Variants in EXT2 observed in about 807,000 individuals in gnomAD.
EXT2 encodes the protein exostosin glycosyltransferase 2.
In EXT2, 53 loss-of-function variants were observed where a neutral mutation model predicts 81.6. That is an observed-to-expected ratio of 0.65 (90% CI 0.52 to 0.82). The LOEUF (loss-of-function observed/expected upper bound fraction) is 0.82. Among genes scored for constraint, EXT2 ranks in the 40% least tolerant of loss-of-function variants. The probability of loss-of-function intolerance (pLI) is 0.00; values close to 1 mark genes in which losing one functional copy is unlikely to be tolerated. For missense variants in EXT2, 774 were observed against 910.2 expected (o/e 0.85, Z 1.93); for synonymous variants, 320 against 340.0 (o/e 0.94, Z 0.65).
chr11:44,169,245 A>G (rs571204390), intron 7 of EXT2, among the ~76,000 whole-genome samples: 1 of 151,850 alleles, frequency 6.6e-6, no homozygotes, highest in South Asian at 2.1e-4. Flanking sequence ...AATAAATAAT[A>G]AAAATAAATA....
Position 44,245,944 on chromosome 11 carries a change from GAAACTGAAGTGATTTTTTTC to G in EXT2, c.*1659_*1678del, listed in dbSNP as rs1956089943. On this transcript the variant is annotated 3_prime_UTR_variant, in exon 14 of 14. Transcript: ENST00000533608. ...TGCAGATGTTCATTTTGCAAATGCA[GAAACTGAAGTGATTTTTTTC>G]AGTTTCTGACAGCAGCAAACACAGG... 6.6e-6 allele frequency among the ~76,000 whole-genome samples: 1 copy of G among 152,236 alleles called. No individual in the cohort carries two copies. Among genetic ancestry groups the G allele is most frequent in the Non-Finnish European group, 1.5e-5 (1 of 68,032 alleles).
chr11:44,175,052 G>A (rs1027687966), intron 8 of EXT2, among the ~76,000 whole-genome samples: 19 of 152,214 alleles, frequency 1.2e-4, no homozygotes, highest in Admixed American at 6.5e-4. Context: ...TTTAAACAAG[G>A]GAGTAATGTG....
At chr11:44,099,872 T>C (rs561614129) in intron 1 of EXT2, among the ~76,000 whole-genome samples, 109 of 152,290 alleles carry the variant, frequency 7.2e-4, no homozygotes, top group Non-Finnish European at 1.2e-3. Flanking sequence ...TTCCCTCTCA[T>C]TTCTTCTATT....
chr11:44,156,591 A>C (rs1590603400), intron 7 of EXT2, among the ~76,000 whole-genome samples: 1 of 152,156 alleles, frequency 6.6e-6, no homozygotes, highest in Middle Eastern at 3.4e-3. Context: ...TCCTTTGTTA[A>C]ATTTATCTGT....
rs1294967203 is a variant in EXT2 at position 44,197,865 on chromosome 11, C to T, written c.1342C>T (p.Leu448=). The change falls in exon 9 of 14, where the codon CTG becomes TTG. Residue 448 remains leucine (L), a synonymous_variant. Coordinates refer to ENST00000533608, the MANE Select transcript of EXT2 (RefSeq NM_207122.2). The part of the protein sequence containing the change: ...GSVSNPLFLP[L]IPPQSQGFTA... ...CGTGAGCAATCCACTCTTCCTCCCG[C>T]TGATCCCACCACAGTCTCAAGGGTT... The T allele has an allele frequency of 2.5e-6, 4 of 1,614,082 alleles. No homozygotes were observed. In the South Asian group the frequency reaches 4.4e-5, roughly 18 times the overall value.
intron 8 of EXT2, among the ~76,000 whole-genome samples, chr11:44,186,747 G>T (rs1297268087): frequency 6.6e-6 from 1 of 152,162 alleles, no homozygotes; most frequent in African/African-American, 2.4e-5. Flanking sequence ...TCTTGAGGAT[G>T]ATCTGAGTGA....
Position 44,180,439 on chromosome 11 carries a change from A to C in EXT2, c.1305+8697A>C, listed in dbSNP as rs118136884. On this transcript the variant is annotated intron_variant, in intron 8 of 13. Transcript: ENST00000533608. ...ACAGCTTTCTATTTTCCAGAGAGCT[A>C]ATAAATGCCTGTTGTTTTTTCCCGC... Among the ~76,000 whole-genome samples the C allele has an allele frequency of 4.8e-3, 728 of 152,346 alleles. 5 individuals carry two copies. The highest frequency in any genetic ancestry group is 0.031 in the East Asian group (159 of 5,186).
chr11:44,095,915 G>A, intron 1 of EXT2, 63 bp downstream of exon 1: 2 of 278,798 alleles, frequency 7.2e-6, no homozygotes, highest in South Asian at 8.1e-5. Context: ...GGGCCTCCGG[G>A]GGCCGCTGCT....
chr11:44,191,595 C>A (rs1461221778), intron 8 of EXT2, among the ~76,000 whole-genome samples: 1 of 152,214 alleles, frequency 6.6e-6, no homozygotes, highest in Admixed American at 6.5e-5. Flanking sequence ...TTTAAATTTG[C>A]TTGATTTCAT....
At chr11:44,171,492 C>T in intron 7 of EXT2, 119 bp from the exon 8 acceptor site, 8 of 1,475,636 alleles carry the variant, frequency 5.4e-6, no homozygotes, top group Non-Finnish European at 6.6e-6. Context: ...TAGGCACCCC[C>T]ATCCCTACAA....
chr11:44,168,133 A>G (rs976228141), intron 7 of EXT2, among the ~76,000 whole-genome samples: 42 of 152,100 alleles, frequency 2.8e-4, no homozygotes, highest in African/African-American at 1.0e-3. Context: ...CAACAAAGAT[A>G]TGAAATCTAC....
intron 10 of EXT2, among the ~76,000 whole-genome samples, chr11:44,213,621 A>C (rs983897185): frequency 6.6e-6 from 1 of 152,198 alleles, no homozygotes; most frequent in African/African-American, 2.4e-5. Context: ...AGGAGAATGG[A>C]GATAACAAGA....
intron 4 of EXT2, among the ~76,000 whole-genome samples, chr11:44,117,410 C>A (rs1393616158): frequency 6.6e-6 from 1 of 152,062 alleles, no homozygotes; most frequent in Non-Finnish European, 1.5e-5. Flanking sequence ...GAAGATTTAC[C>A]CTTACGTTTT....
At chr11:44,133,288 A>C (rs1315935968) in intron 7 of EXT2, among the ~76,000 whole-genome samples, 1 of 152,248 alleles carries the variant, frequency 6.6e-6, no homozygotes, top group East Asian at 1.9e-4. Flanking sequence ...TAATTAAAAA[A>C]ATGGTAAAAC....
chr11:44,157,953 C>T (rs561884195), intron 7 of EXT2, among the ~76,000 whole-genome samples: 10 of 152,332 alleles, frequency 6.6e-5, no homozygotes, highest in Admixed American at 3.3e-4. Context: ...CCTACCAGCA[C>T]TGGGCCCTTC....
At position 44,095,719 on chromosome 11, in the gene EXT2, C is replaced by G. The variant is rs1239532575; in HGVS notation, c.-164C>G. 6.5e-6 allele frequency: 1 copy of G among 153,322 alleles called. No individual in the cohort carries two copies. Among genetic ancestry groups the G allele is most frequent in the Admixed American group, 6.5e-5 (1 of 15,304 alleles). The allele number at this position is 153,322 out of a possible 1,614,324, so 9.5% of individuals were successfully genotyped here. ...GGTTACCGGCCCCTCGCTCGCTGCT[C>G]GCCAGCCCAGACTCGGCCCTGGCAG... On this transcript the variant is annotated 5_prime_UTR_variant, in exon 1 of 14. Coordinates refer to ENST00000533608, the MANE Select transcript of EXT2 (RefSeq NM_207122.2).
intron 1 of EXT2, among the ~76,000 whole-genome samples, chr11:44,104,088 G>C (rs1954021865): frequency 6.6e-6 from 1 of 152,062 alleles, no homozygotes; most frequent in Admixed American, 6.6e-5. Flanking sequence ...AAAGATTTGT[G>C]AAGCTCATGT....
At chr11:44,216,828 G>T (rs1403794360) in intron 10 of EXT2, among the ~76,000 whole-genome samples, 1 of 151,036 alleles carries the variant, frequency 6.6e-6, no homozygotes, top group Non-Finnish European at 1.5e-5. Flanking sequence ...TAAATGATGA[G>T]GGAGATCTAC....
chr11:44,170,368 TAAAG>T (rs1179470867), intron 7 of EXT2, among the ~76,000 whole-genome samples: 2 of 151,920 alleles, frequency 1.3e-5, no homozygotes, highest in South Asian at 2.1e-4. Flanking sequence ...ATATTAAAAA[TAAAG>T]AAAGGTTGAA....
Sources: gnomAD v4.1 joint callset for allele counts (sites outside exome capture counted in the v4.1 genomes callset) on GRCh38, gnomAD v4.1.1 for gene constraint, MANE v1.5 for transcripts, NCBI Gene and HGNC (gene_info 2026-07-23, HGNC 2026-07-21) for gene names.